The following ABI1 variants were observed in gnomAD, a reference collection of about 807,000 sequenced individuals.
ABI1 encodes abl interactor 1.
A neutral mutation model predicts 54.6 loss-of-function variants in ABI1; 14 were observed. The observed-to-expected ratio is 0.26, with a 90% CI of 0.17 to 0.40. ABI1 has a LOEUF of 0.40. Among genes scored for constraint, ABI1 ranks in the 10% least tolerant of loss-of-function variants. The pLI is 1.00. For synonymous variants in ABI1, 194 were observed against 209.3 expected (o/e 0.93, Z 0.63); for missense variants, 443 against 598.3 (o/e 0.74, Z 2.71).
intron 1 of ABI1, among the ~76,000 whole-genome samples, chr10:26,843,637 C>T (rs1404775923): frequency 2.0e-5 from 3 of 151,196 alleles, no homozygotes; most frequent in African/African-American, 7.3e-5. Context: ...ACCGTACCTC[C>T]TCACCCAAAA....
In ABI1 at chr10:26,860,871, C is replaced by T. The variant is rs369815755; in HGVS notation, c.-8G>A. 1.2e-5 allele frequency: 20 copies of T among 1,611,500 alleles called. No homozygotes were observed. In the East Asian group the frequency reaches 1.8e-4, roughly 14 times the overall value. On this transcript the variant is annotated 5_prime_UTR_variant, in exon 1 of 11. Transcript: ENST00000376140. This position sits in a 1 kb window ranked among gnomAD's most constrained non-coding sequence, Gnocchi z 4.1. ...CATCTGCAGCTCTGCCATTTTCCAC[C>T]CCTCTGCATCGCTTCCTCTCGCGTT...
rs72629720 is a variant in ABI1 at position 26,763,691 on chromosome 10, T to C, written c.820+1527A>G. Among the ~76,000 whole-genome samples the C allele has an allele frequency of 0.018, 2,774 of 152,344 alleles. 202 individuals carry two copies. The South Asian group carries it at 0.2, about 11-fold the overall frequency. The stretch of plus-strand genomic sequence containing the variant: ...TTTCATATTATAGAAAAAGTTGTTT[T>C]ATATTTGTTTACTGTATAAGTGCAG... On this transcript the variant is annotated intron_variant, in intron 7 of 10. Transcript: ENST00000376140.
intron 2 of ABI1, among the ~76,000 whole-genome samples, chr10:26,788,162 T>G (rs1433133005): frequency 2.6e-5 from 4 of 152,156 alleles, no homozygotes; most frequent in Non-Finnish European, 2.9e-5. Context: ...TAATCAGGGG[T>G]TTCCACTTTT....
chr10:26,764,980 GT>G (rs1474173591), intron 7 of ABI1, among the ~76,000 whole-genome samples: 3 of 152,042 alleles, frequency 2.0e-5, no homozygotes, highest in African/African-American at 7.2e-5. Context: ...CCAACAAAAA[GT>G]TATTTAACAA....
Position 26,820,297 on chromosome 10 carries a change from T to G in ABI1, c.285+2841A>C, listed in dbSNP as rs537597924. Among the ~76,000 whole-genome samples, 8 of 152,214 alleles carry G rather than the reference T, an allele frequency of 5.3e-5. No individual in the cohort carries two copies. The South Asian group carries it at 1.7e-3, about 32-fold the overall frequency. ...ATATCAAAACATCACATTGTACATC[T>G]TAAATATATATGATTTTTGTGTCAA... On this transcript the variant is annotated intron_variant, in intron 2 of 10. Transcript: ENST00000376140.
chr10:26,796,414 A>G (rs1328579233), intron 2 of ABI1, among the ~76,000 whole-genome samples: 9 of 152,156 alleles, frequency 5.9e-5, no homozygotes, highest in African/African-American at 2.2e-4. Flanking sequence ...CACAAATACC[A>G]CTGTGTTCCA....
chr10:26,750,365 G>A (rs1837462933), intron 10 of ABI1, among the ~76,000 whole-genome samples: 1 of 152,098 alleles, frequency 6.6e-6, no homozygotes, highest in Admixed American at 6.5e-5. Context: ...GTGGTGGCGG[G>A]CACCTGTAAT....
chr10:26,764,202 G>A (rs1025852746), intron 7 of ABI1, among the ~76,000 whole-genome samples: 7 of 152,128 alleles, frequency 4.6e-5, no homozygotes, highest in Admixed American at 3.9e-4. Flanking sequence ...TGCTTGAAAA[G>A]CTAAGAATTT....
chr10:26,860,653 G>C lies in ABI1; in HGVS notation c.117+94C>G. The C allele has an allele frequency of 1.0e-6, 1 of 981,574 alleles. No individual in the cohort carries two copies. The highest frequency in any genetic ancestry group is 1.6e-6 in the Non-Finnish European group (1 of 623,400). 60.8% of individuals were successfully genotyped at this position (981,574 alleles called of 1,614,324 possible). On this transcript the variant is annotated intron_variant, in intron 1 of 10. Transcript: ENST00000376140. This position sits in a 1 kb window ranked among gnomAD's most constrained non-coding sequence, Gnocchi z 4.1. ...GGGGCTCGGGTTGGTGGCAGCCGCT[G>C]AGGTCAGGGCAGTTCCCCACCCCGC...
Position 26,774,880 on chromosome 10 carries a change from T to C in ABI1, c.462+2185A>G, listed in dbSNP as rs890252767. On this transcript the variant is annotated intron_variant, in intron 3 of 10. Coordinates refer to ENST00000376140, the MANE Select transcript of ABI1 (RefSeq NM_001012750.3). ...TCTTAAATACCAGAAAACATCAAAG[T>C]CAAAAGCCAAACAGCAATATGAGTA... 4.6e-5 allele frequency among the ~76,000 whole-genome samples: 7 copies of C among 151,990 alleles called. No homozygotes were observed. The South Asian group carries it at 1.2e-3, about 27-fold the overall frequency.
chr10:26,768,520 G>A (rs1461565672), intron 6 of ABI1, among the ~76,000 whole-genome samples: 4 of 150,876 alleles, frequency 2.7e-5, no homozygotes, highest in South Asian at 2.1e-4. Flanking sequence ...CCTGGGCAAC[G>A]AGAGCAAAAC....
chr10:26,851,746 T>G (rs1167685077), intron 1 of ABI1, among the ~76,000 whole-genome samples: 1 of 151,162 alleles, frequency 6.6e-6, no homozygotes, highest in African/African-American at 2.4e-5. Flanking sequence ...TAAAAAGGAG[T>G]AGAATAGGGT....
chr10:26,784,518 C>T (rs1350002721), intron 2 of ABI1, among the ~76,000 whole-genome samples: 1 of 145,652 alleles, frequency 6.9e-6, no homozygotes, highest in African/African-American at 2.5e-5. Flanking sequence ...TGCCGTCTGA[C>T]TTAAAAGTAG....
At chr10:26,808,190 T>C (rs1411972636) in intron 2 of ABI1, among the ~76,000 whole-genome samples, 1 of 152,252 alleles carries the variant, frequency 6.6e-6, no homozygotes, top group Non-Finnish European at 1.5e-5. Context: ...TTAGTTGTTC[T>C]TCAGGTACTC....
At chr10:26,821,080 T>C (rs1470456796) in intron 2 of ABI1, among the ~76,000 whole-genome samples, 2 of 144,374 alleles carry the variant, frequency 1.4e-5, no homozygotes, top group Non-Finnish European at 3.0e-5. Flanking sequence ...CTGCCTCTAC[T>C]AAAAATACAA....
At chr10:26,857,345 A>C (rs927994902) in intron 1 of ABI1, among the ~76,000 whole-genome samples, 4 of 135,726 alleles carry the variant, frequency 2.9e-5, no homozygotes, top group African/African-American at 1.1e-4. Flanking sequence ...AAAAAAAAAA[A>C]AAAAACACTT....
chr10:26,754,200 A>C (rs1162681437), intron 9 of ABI1, among the ~76,000 whole-genome samples: 1 of 152,142 alleles, frequency 6.6e-6, no homozygotes, highest in East Asian at 1.9e-4. Flanking sequence ...TCTAGGCTGG[A>C]GTGCAGTAGT....
chr10:26,799,667 G>T (rs1195898425), intron 2 of ABI1, among the ~76,000 whole-genome samples: 3 of 152,088 alleles, frequency 2.0e-5, no homozygotes, highest in Non-Finnish European at 4.4e-5. Flanking sequence ...AACCAAGAAG[G>T]CTATTTTAGA....
At chr10:26,784,117 CA>C (rs1264683612) in intron 2 of ABI1, among the ~76,000 whole-genome samples, 1 of 152,186 alleles carries the variant, frequency 6.6e-6, no homozygotes, top group African/African-American at 2.4e-5. Flanking sequence ...TCATCCCTCA[CA>C]AAGGACATTT....
Sources: gnomAD v4.1 joint callset for allele counts (sites outside exome capture counted in the v4.1 genomes callset) on GRCh38, gnomAD v4.1.1 for gene constraint, Gnocchi (gnomAD v3.1) non-coding constraint, MANE v1.5 for transcripts, NCBI Gene and HGNC (gene_info 2026-07-23, HGNC 2026-07-21) for gene names.